EPRS1: variants seen among roughly 807,000 people sequenced by gnomAD.
The protein encoded by EPRS1 is bifunctional glutamate/proline--tRNA ligase.
EPRS1 carries 107 observed loss-of-function variants against 188.3 expected under a neutral mutation model. That is an observed-to-expected ratio of 0.57 (90% CI 0.49 to 0.67). EPRS1 has a LOEUF of 0.67. Among genes scored for constraint, EPRS1 ranks in the 30% least tolerant of loss-of-function variants. The pLI, the probability that EPRS1 is intolerant of heterozygous loss-of-function variation, is 0.00. For synonymous variants in EPRS1, 596 were observed against 593.1 expected (o/e 1.00, Z -0.07); for missense variants, 1,577 against 1,802.2 (o/e 0.88, Z 2.26).
intron 30 of EPRS1, among the ~76,000 whole-genome samples, chr1:219,970,062 T>C (rs915596037): frequency 6.6e-6 from 1 of 152,178 alleles, no homozygotes; most frequent in Non-Finnish European, 1.5e-5. Context: ...CCTCAAGCAG[T>C]CCACCCACCT....
intron 6 of EPRS1, 28 bp from the exon 7 acceptor site, chr1:220,025,286 C>G: frequency 1.9e-6 from 3 of 1,557,548 alleles, no homozygotes; most frequent in Non-Finnish European, 1.7e-6. Flanking sequence ...CACAAAGAAA[C>G]TCATTAACAT....
chr1:220,000,437 T>C (rs1405458328), intron 17 of EPRS1, among the ~76,000 whole-genome samples: 2 of 152,368 alleles, frequency 1.3e-5, no homozygotes, highest in East Asian at 1.9e-4. Flanking sequence ...CATTCTCTCA[T>C]GACTGTTTGT....
intron 13 of EPRS1, among the ~76,000 whole-genome samples, chr1:220,010,082 C>T (rs181968195): frequency 1.2e-4 from 12 of 100,880 alleles, no homozygotes; most frequent in Admixed American, 8.9e-4. Flanking sequence ...GGCCACAAAG[C>T]GCAACTGTCT....
chr1:220,014,715 A>T lies in EPRS1; in HGVS notation c.1495-3659T>A, dbSNP rs72745201. On this transcript the variant is annotated intron_variant, in intron 12 of 31. Coordinates refer to ENST00000366923, the MANE Select transcript of EPRS1 (RefSeq NM_004446.3). The stretch of plus-strand genomic sequence containing the variant: ...TACTGACATGGAATTTCTCCAACAA[A>T]CTAGCCCAGCCAGATCATTGTACAG... Among the ~76,000 whole-genome samples, 654 of 152,250 alleles carry T rather than the reference A, an allele frequency of 4.3e-3. 6 individuals are homozygous for T. The highest frequency in any genetic ancestry group is 6.3e-3 in the Non-Finnish European group (430 of 68,018).
chr1:220,036,633 C>G (rs2577164), intron 2 of EPRS1, among the ~76,000 whole-genome samples: 1 of 151,860 alleles, frequency 6.6e-6, no homozygotes, highest in South Asian at 2.1e-4. Flanking sequence ...AGCTTAACGA[C>G]GAGAACACAT....
intron 12 of EPRS1, chr1:220,018,105 A>C (rs1661758189): frequency 1.5e-6 from 2 of 1,299,260 alleles, no homozygotes; most frequent in Non-Finnish European, 2.0e-6. Flanking sequence ...GTTTAAGGCA[A>C]ATAAAAGCAT....
intron 5 of EPRS1, among the ~76,000 whole-genome samples, chr1:220,030,957 C>T (rs540509206): frequency 3.3e-5 from 5 of 151,888 alleles, no homozygotes; most frequent in African/African-American, 1.2e-4. Context: ...CTGGGCCTGG[C>T]GGCGTGCACC....
chr1:220,044,681 C>CAAAAAAAAAAAAAAAAAAAAAAAAAA (rs71560597), intron 1 of EPRS1, among the ~76,000 whole-genome samples: 7 of 88,344 alleles, frequency 7.9e-5, no homozygotes, highest in African/African-American at 2.9e-4. Flanking sequence ...GCTCGGTCTC[C>CAAAAAAAAAAAAAAAAAAAAAAAAAA]AAAAAAAAAA....
intron 28 of EPRS1, among the ~76,000 whole-genome samples, chr1:219,977,421 A>T (rs1660801319): frequency 6.6e-6 from 1 of 152,180 alleles, no homozygotes; most frequent in Non-Finnish European, 1.5e-5. Flanking sequence ...TAAGGATGAG[A>T]AATGAATAAA....
At chr1:220,003,501 A>G (rs1408844160) in intron 16 of EPRS1, among the ~76,000 whole-genome samples, 1 of 152,150 alleles carries the variant, frequency 6.6e-6, no homozygotes, top group Non-Finnish European at 1.5e-5. Context: ...ATTTACATTC[A>G]CGTTTTCTTC....
At chr1:219,993,969 G>A (rs17007011) in intron 18 of EPRS1, among the ~76,000 whole-genome samples, 2,889 of 152,226 alleles carry the variant, frequency 0.019, 82 homozygotes, top group African/African-American at 0.059. Context: ...GGCTAAATGC[G>A]TTCCATTCCT....
chr1:220,033,453 G>A, intron 4 of EPRS1, 49 bp downstream of exon 4: 1 of 1,376,714 alleles, frequency 7.3e-7, no homozygotes, highest in Non-Finnish European at 1.0e-6. Flanking sequence ...TTTTTATCCA[G>A]CAAAATATTA....
Position 220,007,343 on chromosome 1 carries a change from T to G in EPRS1, c.1606-5A>C. 6.2e-7 allele frequency: 1 copy of G among 1,602,516 alleles called. No individual in the cohort carries two copies. The highest frequency in any genetic ancestry group is 8.5e-7 in the Non-Finnish European group (1 of 1,176,980). ...CTTCAAGCCAACCTCAGGATTCTGA[T>G]TGATAAAGAAAAGCAGAGTGTCTGT... On this transcript the variant is annotated splice_polypyrimidine_tract_variant and splice_region_variant and intron_variant, in intron 13 of 31. Transcript: ENST00000366923.
intron 16 of EPRS1, among the ~76,000 whole-genome samples, chr1:220,002,630 C>T (rs1661382007): frequency 6.6e-6 from 1 of 152,012 alleles, no homozygotes; most frequent in East Asian, 1.9e-4. Context: ...GGGGCCATGG[C>T]AGGTGGATCT....
chr1:220,018,604 ACTCG>A, intron 11 of EPRS1, 96 bp from the exon 12 acceptor site: 1 of 824,952 alleles, frequency 1.2e-6, no homozygotes, highest in Non-Finnish European at 2.0e-6. Flanking sequence ...AAAAAAAAAA[ACTCG>A]ATAAATACTT....
chr1:219,974,941 G>C (rs1396149034), intron 28 of EPRS1, among the ~76,000 whole-genome samples: 1 of 152,182 alleles, frequency 6.6e-6, no homozygotes, highest in Non-Finnish European at 1.5e-5. Flanking sequence ...TCAGCTGGAA[G>C]AGAGAAGAAA....
At chr1:220,026,999 A>C (rs1661985200) in intron 6 of EPRS1, among the ~76,000 whole-genome samples, 1 of 152,172 alleles carries the variant, frequency 6.6e-6, no homozygotes, top group African/African-American at 2.4e-5. Context: ...TTCAACTTTA[A>C]GAAGGGCTTG....
intron 28 of EPRS1, among the ~76,000 whole-genome samples, chr1:219,974,407 T>C (rs1209770430): frequency 6.6e-6 from 1 of 152,242 alleles, no homozygotes; most frequent in African/African-American, 2.4e-5. Context: ...TGTGAATGTG[T>C]ATCCCGTAAG....
intron 16 of EPRS1, among the ~76,000 whole-genome samples, chr1:220,003,306 C>A (rs1352489096): frequency 6.6e-6 from 1 of 152,142 alleles, no homozygotes; most frequent in Non-Finnish European, 1.5e-5. Context: ...TAATTGGGTT[C>A]TCTTCTGGAT....
Sources: allele counts gnomAD v4.1 joint callset (sites outside exome capture counted in the v4.1 genomes callset), GRCh38; gene constraint gnomAD v4.1.1; transcripts MANE v1.5; gene names NCBI Gene and HGNC (gene_info 2026-07-23, HGNC 2026-07-21).